The following USP45 variants were observed in gnomAD, a reference collection of about 807,000 sequenced individuals.
The protein encoded by USP45 is ubiquitin specific peptidase 45, also known as ubiquitin carboxyl-terminal hydrolase 45.
USP45 carries 89 observed loss-of-function variants against 95.8 expected under a neutral mutation model. That is an observed-to-expected ratio of 0.93 (90% CI 0.78 to 1.11). USP45 has a LOEUF of 1.11. Among genes scored for constraint, USP45 ranks in the 50% least tolerant of loss-of-function variants. USP45 has a pLI of 0.00. For synonymous variants in USP45, 281 were observed against 316.2 expected (o/e 0.89, Z 1.18); for missense variants, 898 against 942.5 (o/e 0.95, Z 0.62).
chr6:99,475,380 G>C (rs1403133030), intron 9 of USP45, among the ~76,000 whole-genome samples: 1 of 145,336 alleles, frequency 6.9e-6, no homozygotes, highest in South Asian at 2.2e-4. Context: ...GCAGTGGCAC[G>C]ATCTCGGCTC....
At chr6:99,496,675 AAT>A (rs1359929274) in intron 5 of USP45, among the ~76,000 whole-genome samples, 1 of 152,168 alleles carries the variant, frequency 6.6e-6, no homozygotes, top group Non-Finnish European at 1.5e-5. Flanking sequence ...AGATTCTCTA[AAT>A]ATTTGTAGAA....
intron 6 of USP45, among the ~76,000 whole-genome samples, 165 bp downstream of exon 6, chr6:99,488,516 T>C (rs1212865403): frequency 1.3e-5 from 2 of 152,110 alleles, no homozygotes; most frequent in African/African-American, 4.8e-5. Flanking sequence ...GAAAATAAGG[T>C]ACATGTATAC....
intron 5 of USP45, among the ~76,000 whole-genome samples, chr6:99,498,125 G>A (rs1796688762): frequency 6.6e-6 from 1 of 152,136 alleles, no homozygotes; most frequent in African/African-American, 2.4e-5. Flanking sequence ...CAAAAGATCA[G>A]TAATGACAGG....
At chr6:99,503,898 G>A in intron 4 of USP45, 33 bp from the exon 5 acceptor site, 2 of 1,399,730 alleles carry the variant, frequency 1.4e-6, no homozygotes, top group Non-Finnish European at 1.9e-6. Flanking sequence ...AAAATATTAT[G>A]AAAATATTCT....
chr6:99,458,181 G>C (rs1282297902), intron 13 of USP45, among the ~76,000 whole-genome samples: 1 of 151,972 alleles, frequency 6.6e-6, no homozygotes, highest in Non-Finnish European at 1.5e-5. Flanking sequence ...CACCATGACC[G>C]GCTAATTTTT....
rs370754739 is a variant in USP45, at chr6:99,503,629, C to T, written c.478+136G>A. The T allele has an allele frequency of 6.3e-5, 38 of 603,390 alleles. No homozygotes were observed. In the East Asian group the frequency reaches 9.6e-4, roughly 15 times the overall value. The allele number at this position is 603,390 out of a possible 1,614,324, so 37.4% of individuals were successfully genotyped here. A position where few individuals can be genotyped will look rare whatever the true frequency, so the allele number is the denominator to read the frequency against. On this transcript the variant is annotated intron_variant, in intron 5 of 17. Coordinates refer to ENST00000500704, the MANE Select transcript of USP45 (RefSeq NM_001346022.3). ...ACAGGCATGAGCCACTGCACCCAGC[C>T]GATACTCATAATATCTTTATTCAAA... is the stretch of plus-strand genomic sequence containing the variant.
At position 99,468,578 on chromosome 6, in the gene USP45, G is replaced by C. The variant is rs1425568920; in HGVS notation, c.974C>G (p.Thr325Ser). The C allele has an allele frequency of 1.2e-6, 2 of 1,609,520 alleles. No individual in the cohort carries two copies. The highest frequency in any genetic ancestry group is 1.1e-5 in the South Asian group (1 of 90,506). ...ASILKAFNNP[T>S]TKTADDETRK... ...AGTTTCATCATCAGCAGTTTTAGTA[G>C]TTGGGTTGTTAAATGCTTTTAGAAT... is the stretch of plus-strand genomic sequence containing the variant. The change falls in exon 10 of 18, where the codon ACT (threonine) becomes AGT (serine). Residue 325 changes from threonine (T) to serine (S), a missense_variant. Coordinates refer to ENST00000500704, the MANE Select transcript of USP45 (RefSeq NM_001346022.3).
At chr6:99,449,754 T>C (rs895346977) in intron 13 of USP45, among the ~76,000 whole-genome samples, 2 of 152,182 alleles carry the variant, frequency 1.3e-5, no homozygotes, top group Non-Finnish European at 2.9e-5. Context: ...ATCACACTTA[T>C]TCCAAAATTG....
intron 11 of USP45, among the ~76,000 whole-genome samples, chr6:99,466,136 C>T (rs1051242300): frequency 3.3e-5 from 5 of 152,124 alleles, no homozygotes; most frequent in African/African-American, 1.2e-4. Flanking sequence ...CTGCCTCAGC[C>T]TCCCGAGTCA....
chr6:99,442,777 T>G (rs1781764629), intron 15 of USP45, among the ~76,000 whole-genome samples: 2 of 151,324 alleles, frequency 1.3e-5, no homozygotes, highest in African/African-American at 2.4e-5. Context: ...AACCCAGGAG[T>G]TGGAGGTTGC....
Position 99,488,817 on chromosome 6 carries a change from G to T in USP45, c.482C>A (p.Ala161Glu). The T allele has an allele frequency of 6.4e-7, 1 of 1,574,214 alleles. No individual in the cohort carries two copies. Residue 161 changes from alanine (A) to glutamate (E), a missense_variant, in exon 6 of 18, where the codon GCA becomes GAA. Transcript: ENST00000500704. The part of the protein sequence containing the change: ...QKHASKTQTS[A>E]FSRIMKLCEE... ...ACAAAGTTTCATGATTCTAGAAAAT[G>T]CACCTACAAGTTAGAGAAAAAATAA... is the stretch of plus-strand genomic sequence containing the variant.
chr6:99,496,513 G>C (rs537142261), intron 5 of USP45, among the ~76,000 whole-genome samples: 5 of 151,978 alleles, frequency 3.3e-5, no homozygotes, highest in African/African-American at 1.2e-4. Context: ...ATAGTATTTT[G>C]TCTTCTCTTT....
intron 5 of USP45, among the ~76,000 whole-genome samples, chr6:99,500,002 ACC>A (rs1797055530): frequency 6.6e-6 from 1 of 152,230 alleles, no homozygotes; most frequent in African/African-American, 2.4e-5. Flanking sequence ...TCCCTGAAGC[ACC>A]TTGGAAATAT....
At chr6:99,461,212 T>C (rs2128613698) in intron 13 of USP45, 1 of 985,448 alleles carries the variant, frequency 1.0e-6, no homozygotes, top group Non-Finnish European at 1.2e-6. Context: ...CAGGATTTTA[T>C]ATAAGGATAT....
chr6:99,461,836 CTCT>C, intron 13 of USP45: 2 of 982,520 alleles, frequency 2.0e-6, no homozygotes. Flanking sequence ...TATCTTTATA[CTCT>C]TATTAACAGC....
At chr6:99,484,810 T>C (rs980792641) in intron 7 of USP45, among the ~76,000 whole-genome samples, 4 of 151,712 alleles carry the variant, frequency 2.6e-5, no homozygotes, top group South Asian at 2.1e-4. Flanking sequence ...AAAAAAGTGT[T>C]TTCTCTTCTG....
intron 4 of USP45, 62 bp downstream of exon 4, chr6:99,507,366 A>AT: frequency 1.3e-6 from 1 of 744,226 alleles, no homozygotes; most frequent in Non-Finnish European, 2.0e-6. Flanking sequence ...AAAAGCTTAA[A>AT]GAAAAAAAAA....
Position 99,482,781 on chromosome 6 carries a change from T to G in USP45, c.817A>C (p.Lys273Gln), listed in dbSNP as rs762475760. The G allele has an allele frequency of 2.5e-6, 4 of 1,605,158 alleles. No individual in the cohort carries two copies. The highest frequency in any genetic ancestry group is 3.4e-6 in the Non-Finnish European group (4 of 1,175,478). The change falls in exon 8 of 18, where the codon AAA (lysine) becomes CAA (glutamine). Residue 273 changes from lysine (K) to glutamine (Q), a missense_variant. Coordinates refer to ENST00000500704, the MANE Select transcript of USP45 (RefSeq NM_001346022.3). ...KETEKGPLSP[K>Q]VLFNQLCQKA... The stretch of plus-strand genomic sequence containing the variant: ...TGACAAAGCTGATTAAAAAGAACTT[T>G]AGGAGAAAGTGGTCCTTTTTCAGTC...
At chr6:99,510,968 A>G (rs958154985) in intron 1 of USP45, among the ~76,000 whole-genome samples, 1 of 152,196 alleles carries the variant, frequency 6.6e-6, no homozygotes, top group African/African-American at 2.4e-5. Context: ...GATAGCTGTA[A>G]GCCAAGCATA....
Sources: gnomAD v4.1 joint callset for allele counts (sites outside exome capture counted in the v4.1 genomes callset) on GRCh38, gnomAD v4.1.1 for gene constraint, MANE v1.5 for transcripts, NCBI Gene and HGNC (gene_info 2026-07-23, HGNC 2026-07-21) for gene names.